ZFAT: variants seen among roughly 807,000 people sequenced by gnomAD.
The protein encoded by ZFAT is zinc finger and AT-hook domain containing.
ZFAT carries 64 observed loss-of-function variants against 117.7 expected under a neutral mutation model. The observed-to-expected ratio is 0.54, with a 90% CI of 0.44 to 0.67. The LOEUF (loss-of-function observed/expected upper bound fraction) is 0.67, where lower values mean the gene tolerates loss of function less well. Ranked by LOEUF, ZFAT falls within the 30% of genes least tolerant of loss-of-function variation. The probability of loss-of-function intolerance (pLI) is 0.00; values close to 1 mark genes in which losing one functional copy is unlikely to be tolerated. For missense variants in ZFAT, 1,433 were observed against 1,584.5 expected, an observed-to-expected ratio of 0.90 and a Z score of 1.62; for synonymous variants, 679 against 615.0, an observed-to-expected ratio of 1.10 and a Z score of -1.54.
chr8:134,566,712 TC>T (rs1363587170), intron 10 of ZFAT, among the ~76,000 whole-genome samples: 1 of 151,984 alleles, frequency 6.6e-6, no homozygotes, highest in Non-Finnish European at 1.5e-5. Context: ...TCTTAGATAT[TC>T]CCCCTCCCCT....
intron 1 of ZFAT, among the ~76,000 whole-genome samples, chr8:134,690,797 G>A (rs1029041287): frequency 7.2e-5 from 11 of 152,192 alleles, no homozygotes; most frequent in Admixed American, 7.2e-4. Flanking sequence ...GGGCTGTTCA[G>A]TTTTTATTAG....
intron 1 of ZFAT, among the ~76,000 whole-genome samples, chr8:134,664,076 C>CA (rs1832077300): frequency 6.6e-6 from 1 of 152,246 alleles, no homozygotes; most frequent in Non-Finnish European, 1.5e-5. Context: ...CAGACCTGCA[C>CA]AGGAGGTCAT....
At chr8:134,732,753 G>A in the ZFAT span, among the ~76,000 whole-genome samples, 2 of 152,144 alleles carry the variant, frequency 1.3e-5, no homozygotes, top group South Asian at 2.1e-4. Context: ...ATCACATTCC[G>A]GGTAAAGCAC....
At chr8:134,645,221 C>A (rs982826144) in intron 2 of ZFAT, among the ~76,000 whole-genome samples, 2 of 152,166 alleles carry the variant, frequency 1.3e-5, no homozygotes, top group African/African-American at 4.8e-5. Flanking sequence ...TCAATTACTA[C>A]TCAGTTAAAG....
chr8:134,786,915 T>C, the ZFAT span, among the ~76,000 whole-genome samples: 78 of 151,588 alleles, frequency 5.1e-4, no homozygotes, highest in African/African-American at 1.8e-3. Flanking sequence ...GTGACACAAT[T>C]ATAGTTCACT....
chr8:134,507,232 A>G (rs975599189), intron 15 of ZFAT, among the ~76,000 whole-genome samples: 9 of 152,234 alleles, frequency 5.9e-5, no homozygotes, highest in Non-Finnish European at 1.0e-4. Context: ...AATTTTTCTA[A>G]TAAATACTGC....
intron 15 of ZFAT, among the ~76,000 whole-genome samples, chr8:134,482,699 C>G (rs1374030532): frequency 1.3e-5 from 2 of 152,238 alleles, no homozygotes; most frequent in Non-Finnish European, 2.9e-5. Context: ...TGCTAATTAT[C>G]AGAGTACAAA....
chr8:134,506,397 C>T (rs1250691773), intron 15 of ZFAT, among the ~76,000 whole-genome samples: 1 of 152,162 alleles, frequency 6.6e-6, no homozygotes, highest in East Asian at 1.9e-4. Flanking sequence ...ATTTTTAATG[C>T]CAACACTCAA....
At chr8:134,791,669 A>G in the ZFAT span, among the ~76,000 whole-genome samples, 1 of 152,242 alleles carries the variant, frequency 6.6e-6, no homozygotes, top group African/African-American at 2.4e-5. Context: ...CCTCCAATCT[A>G]TGACAAATGA....
At chr8:134,805,034 T>TGCTGAACAATAGCTGTGAC in the ZFAT span, 16 of 406,728 alleles carry the variant, frequency 3.9e-5, no homozygotes, top group Non-Finnish European at 7.3e-5. Context: ...TAATTTCTAG[T>TGCTGAACAATAGCTGTGAC]GCTGAACAAT....
intron 10 of ZFAT, among the ~76,000 whole-genome samples, chr8:134,566,980 C>A (rs1824515049): frequency 6.6e-6 from 1 of 152,174 alleles, no homozygotes; most frequent in Non-Finnish European, 1.5e-5. Flanking sequence ...GTGTTCCAGC[C>A]CACACTCCTA....
At chr8:134,595,892 G>T (rs1039324957) in intron 7 of ZFAT, among the ~76,000 whole-genome samples, 5 of 152,198 alleles carry the variant, frequency 3.3e-5, no homozygotes, top group Admixed American at 2.0e-4. Flanking sequence ...CTTGGATATG[G>T]GCCCATTTGA....
At chr8:134,801,842 A>G in the ZFAT span, among the ~76,000 whole-genome samples, 1 of 152,216 alleles carries the variant, frequency 6.6e-6, no homozygotes, top group Non-Finnish European at 1.5e-5. Flanking sequence ...TGGGCATAAT[A>G]TCTAGCAGGA....
chr8:134,714,774 C>G (rs1814182059), upstream of ZFAT, among the ~76,000 whole-genome samples: 1 of 152,010 alleles, frequency 6.6e-6, no homozygotes, highest in Non-Finnish European at 1.5e-5. Context: ...TAGTGAAGAG[C>G]CAGGTGTGGA....
intron 1 of ZFAT, among the ~76,000 whole-genome samples, chr8:134,695,094 C>G (rs925370525): frequency 6.6e-6 from 1 of 152,150 alleles, no homozygotes; most frequent in Non-Finnish European, 1.5e-5. Context: ...GCAGGGAGAA[C>G]CCAGAAGAAG....
intron 1 of ZFAT, among the ~76,000 whole-genome samples, chr8:134,680,200 T>C (rs1239893498): frequency 2.7e-5 from 4 of 145,782 alleles, no homozygotes; most frequent in Non-Finnish European, 4.5e-5. Context: ...AGGCAGAGAT[T>C]GCAGTGAGCC....
chr8:134,764,411 C>T, the ZFAT span, among the ~76,000 whole-genome samples: 1 of 152,208 alleles, frequency 6.6e-6, no homozygotes, highest in Non-Finnish European at 1.5e-5. Flanking sequence ...TACCAATAAA[C>T]AGATAAATTG....
At chr8:134,569,414 C>A (rs546863655) in intron 10 of ZFAT, among the ~76,000 whole-genome samples, 4 of 152,062 alleles carry the variant, frequency 2.6e-5, no homozygotes, top group African/African-American at 7.2e-5. Context: ...ATACAATTTC[C>A]GAAATGGAAG....
At chr8:134,690,334 G>A (rs903657226) in intron 1 of ZFAT, among the ~76,000 whole-genome samples, 1 of 152,222 alleles carries the variant, frequency 6.6e-6, no homozygotes, top group African/African-American at 2.4e-5. Flanking sequence ...TGTTACAGGA[G>A]AGGCAGATGA....
Sources: gnomAD v4.1 joint callset for allele counts (sites outside exome capture counted in the v4.1 genomes callset) on GRCh38, gnomAD v4.1.1 for gene constraint, MANE v1.5 for transcripts, NCBI Gene and HGNC (gene_info 2026-07-23, HGNC 2026-07-21) for gene names.